The following SCFD2 variants were observed in gnomAD, a reference collection of about 807,000 sequenced individuals.
The protein encoded by SCFD2 is sec1 family domain containing 2.
A neutral mutation model predicts 58.9 loss-of-function variants in SCFD2; 54 were observed. That is an observed-to-expected ratio of 0.92 (90% CI 0.74 to 1.15). The LOEUF is 1.15. Ranked by LOEUF, SCFD2 falls within the 50% of genes most tolerant of loss-of-function variation. SCFD2 has a pLI of 0.00. For synonymous variants in SCFD2, 321 were observed against 335.9 expected, an observed-to-expected ratio of 0.96 and a Z score of 0.49; for missense variants, 805 against 836.6, an observed-to-expected ratio of 0.96 and a Z score of 0.47.
At chr4:53,048,304 C>T (rs1373547681) in intron 5 of SCFD2, among the ~76,000 whole-genome samples, 4 of 151,924 alleles carry the variant, frequency 2.6e-5, no homozygotes, top group African/African-American at 4.8e-5. Context: ...GAACCGAGAT[C>T]GTGCCACTGC....
intron 2 of SCFD2, among the ~76,000 whole-genome samples, chr4:53,318,407 T>C (rs900362651): frequency 6.6e-6 from 1 of 152,202 alleles, no homozygotes; most frequent in African/African-American, 2.4e-5. Flanking sequence ...TGTACAACTC[T>C]TGGGTCAGAA....
At chr4:53,258,470 A>C (rs1215282452) in intron 4 of SCFD2, among the ~76,000 whole-genome samples, 1 of 149,546 alleles carries the variant, frequency 6.7e-6, no homozygotes, top group African/African-American at 2.5e-5. Flanking sequence ...CTCCAATTCC[A>C]TCAAGGTTGC....
At chr4:53,118,153 C>T (rs918280183) in intron 5 of SCFD2, among the ~76,000 whole-genome samples, 1 of 152,128 alleles carries the variant, frequency 6.6e-6, no homozygotes, top group African/African-American at 2.4e-5. Context: ...GAGATGGACA[C>T]AAACACAAGT....
At chr4:53,238,470 C>A (rs543245654) in intron 4 of SCFD2, among the ~76,000 whole-genome samples, 1 of 151,564 alleles carries the variant, frequency 6.6e-6, no homozygotes, top group South Asian at 2.1e-4. Flanking sequence ...CCACCTCCCT[C>A]CCGGATGGGG....
At chr4:53,261,062 G>A (rs1485351953) in intron 4 of SCFD2, among the ~76,000 whole-genome samples, 1 of 152,110 alleles carries the variant, frequency 6.6e-6, no homozygotes, top group Middle Eastern at 3.2e-3. Flanking sequence ...TGTGGTATCA[G>A]TAGTAATATA....
chr4:52,973,613 C>T (rs1291897632), intron 5 of SCFD2, among the ~76,000 whole-genome samples: 2 of 152,222 alleles, frequency 1.3e-5, no homozygotes, highest in African/African-American at 2.4e-5. Context: ...GGTACCATTC[C>T]TTCTGAAACT....
intron 4 of SCFD2, among the ~76,000 whole-genome samples, chr4:53,215,519 T>A (rs549489991): frequency 0.017 from 2,625 of 152,286 alleles, 102 homozygotes; most frequent in African/African-American, 0.06. Context: ...TTGCTGAAGT[T>A]GCTTATCAGC....
chr4:53,145,649 G>A, intron 4 of SCFD2, 67 bp from the exon 5 acceptor site: 1 of 1,400,128 alleles, frequency 7.1e-7, no homozygotes, highest in Non-Finnish European at 9.9e-7. Flanking sequence ...GATTACATTA[G>A]TCGAATGATA....
At chr4:52,986,750 C>T (rs895678149) in intron 5 of SCFD2, among the ~76,000 whole-genome samples, 1 of 151,976 alleles carries the variant, frequency 6.6e-6, no homozygotes. Flanking sequence ...CCACCCGCCT[C>T]GGCCTCACAA....
intron 5 of SCFD2, among the ~76,000 whole-genome samples, chr4:53,075,043 A>C (rs1433038942): frequency 1.3e-5 from 2 of 152,302 alleles, no homozygotes; most frequent in East Asian, 3.9e-4. Flanking sequence ...TATCATCTAC[A>C]CTGAACATCT....
In SCFD2 at chr4:53,235,253, A is replaced by G. The variant is rs776100581; in HGVS notation, c.1311+38573T>C. Reference sequence around the variant, plus strand: ...CCATGTGCTATGCAAAAAGGTGAGAACAGGTGGTAAGAACATAAAGAAGCC... The same window carrying G: ...CCATGTGCTATGCAAAAAGGTGAGAGCAGGTGGTAAGAACATAAAGAAGCC... On this transcript the variant is annotated intron_variant, in intron 4 of 8. Coordinates refer to ENST00000401642, the MANE Select transcript of SCFD2 (RefSeq NM_152540.4). 5.3e-5 allele frequency among the ~76,000 whole-genome samples: 8 copies of G among 152,222 alleles called. No individual in the cohort carries two copies. In the East Asian group the frequency reaches 1.5e-3, roughly 29 times the overall value.
chr4:53,178,855 G>A (rs1448113009), intron 4 of SCFD2, among the ~76,000 whole-genome samples: 2 of 152,138 alleles, frequency 1.3e-5, no homozygotes, highest in African/African-American at 2.4e-5. Flanking sequence ...GATGAACGCA[G>A]AAAGCCTCAG....
At chr4:52,914,066 T>C (rs1218958380) in intron 6 of SCFD2, among the ~76,000 whole-genome samples, 1 of 152,192 alleles carries the variant, frequency 6.6e-6, no homozygotes, top group Non-Finnish European at 1.5e-5. Flanking sequence ...AGGTAAAAGA[T>C]TATTAAACCC....
At chr4:53,330,399 A>G (rs1013440085) in intron 2 of SCFD2, among the ~76,000 whole-genome samples, 4 of 152,322 alleles carry the variant, frequency 2.6e-5, no homozygotes, top group Middle Eastern at 3.4e-3. Flanking sequence ...CGTATCTCTC[A>G]GCAGAAACCC....
At chr4:53,309,876 C>T (rs1732635592) in intron 3 of SCFD2, among the ~76,000 whole-genome samples, 1 of 152,164 alleles carries the variant, frequency 6.6e-6, no homozygotes, top group South Asian at 2.1e-4. Context: ...GTCATAACTT[C>T]CCTCTGCTCA....
intron 1 of SCFD2, among the ~76,000 whole-genome samples, chr4:53,356,220 C>T (rs1177234311): frequency 6.6e-6 from 1 of 152,174 alleles, no homozygotes; most frequent in Admixed American, 6.5e-5. Context: ...AGCTAACTTC[C>T]CTCAGAGCCA....
intron 1 of SCFD2, among the ~76,000 whole-genome samples, chr4:53,362,235 A>G (rs1407441588): frequency 6.6e-6 from 1 of 152,126 alleles, no homozygotes; most frequent in Non-Finnish European, 1.5e-5. Context: ...GCAGAGCTGC[A>G]GAGGAAATGC....
At chr4:52,933,221 C>G (rs537567136) in intron 5 of SCFD2, among the ~76,000 whole-genome samples, 1 of 152,268 alleles carries the variant, frequency 6.6e-6, no homozygotes, top group East Asian at 1.9e-4. Context: ...GTTTCCCTGA[C>G]CCCGAGAACA....
At chr4:52,932,105 A>T (rs1186409776) in intron 5 of SCFD2, among the ~76,000 whole-genome samples, 1 of 152,220 alleles carries the variant, frequency 6.6e-6, no homozygotes, top group Non-Finnish European at 1.5e-5. Context: ...TTGCTGGTTT[A>T]AAAAATAGTG....
Sources: allele counts gnomAD v4.1 joint callset (sites outside exome capture counted in the v4.1 genomes callset), GRCh38; gene constraint gnomAD v4.1.1; transcripts MANE v1.5; gene names NCBI Gene and HGNC (gene_info 2026-07-23, HGNC 2026-07-21).